ZNF804B: variants seen among roughly 807,000 people sequenced by gnomAD.
The protein encoded by ZNF804B is zinc finger protein 804B.
Under a neutral mutation model 101.4 loss-of-function variants are expected in ZNF804B, and 80 were observed. The ratio of observed to expected loss-of-function variants is 0.79; its 90% CI spans 0.66 to 0.95. ZNF804B has a LOEUF of 0.95. Ranked by LOEUF, ZNF804B falls within the 40% of genes least tolerant of loss-of-function variation. The probability of loss-of-function intolerance (pLI) is 0.00; values close to 1 mark genes in which losing one functional copy is unlikely to be tolerated. For missense variants in ZNF804B, 1,673 were observed against 1,561.9 expected (o/e 1.07, Z -1.20); for synonymous variants, 622 against 558.8 (o/e 1.11, Z -1.59).
At chr7:89,032,049 T>G (rs1412030585) in intron 1 of ZNF804B, among the ~76,000 whole-genome samples, 1 of 152,134 alleles carries the variant, frequency 6.6e-6, no homozygotes, top group African/African-American at 2.4e-5. Flanking sequence ...GCTTTCCTTT[T>G]TGGAGAATAA....
In ZNF804B at chr7:88,955,865, A is replaced by G. The variant is rs1456958528; in HGVS notation, c.108+195781A>G. On this transcript the variant is annotated intron_variant, in intron 1 of 3. Coordinates refer to ENST00000333190, the MANE Select transcript of ZNF804B (RefSeq NM_181646.5). ...CAAACTACTCATCCAACTAGGGACT[A>G]ATATCCAGAATATACGAGAAACTCA... Among the ~76,000 whole-genome samples, 3 of 151,738 alleles carry G rather than the reference A, an allele frequency of 2.0e-5. No homozygotes were observed. In the East Asian group the frequency reaches 5.9e-4, roughly 30 times the overall value.
chr7:89,286,212 T>C (rs1456258745), intron 2 of ZNF804B, among the ~76,000 whole-genome samples: 1 of 152,114 alleles, frequency 6.6e-6, no homozygotes, highest in African/African-American at 2.4e-5. Context: ...TTTAGGACTT[T>C]ATCATTAGGA....
chr7:89,239,695 G>A (rs1789337381), intron 2 of ZNF804B, among the ~76,000 whole-genome samples: 1 of 151,942 alleles, frequency 6.6e-6, no homozygotes, highest in Non-Finnish European at 1.5e-5. Flanking sequence ...ATGTAGATTA[G>A]TTTATTTATA....
At chr7:88,772,865 G>C (rs1413289592) in intron 1 of ZNF804B, among the ~76,000 whole-genome samples, 1 of 149,878 alleles carries the variant, frequency 6.7e-6, no homozygotes, top group East Asian at 2.0e-4. Context: ...AGGCAAAATA[G>C]TCATAAGCAG....
chr7:89,032,824 A>G (rs1416324478), intron 1 of ZNF804B, among the ~76,000 whole-genome samples: 1 of 152,088 alleles, frequency 6.6e-6, no homozygotes, highest in East Asian at 1.9e-4. Context: ...TTATAAATAC[A>G]CAAATATGGT....
intron 1 of ZNF804B, among the ~76,000 whole-genome samples, chr7:89,047,848 A>G (rs958552328): frequency 1.3e-5 from 2 of 152,136 alleles, no homozygotes; most frequent in East Asian, 3.9e-4. Context: ...TAGGCAAAAA[A>G]GGAAGGGCAG....
chr7:89,046,381 C>T (rs1385555182), intron 1 of ZNF804B, among the ~76,000 whole-genome samples: 1 of 152,168 alleles, frequency 6.6e-6, no homozygotes, highest in Non-Finnish European at 1.5e-5. Flanking sequence ...ATGTCAAAGA[C>T]ATGGGACCAT....
At chr7:88,853,593 T>A (rs1221301657) in intron 1 of ZNF804B, among the ~76,000 whole-genome samples, 1 of 152,136 alleles carries the variant, frequency 6.6e-6, no homozygotes, top group Non-Finnish European at 1.5e-5. Flanking sequence ...CTAAAATGCT[T>A]AACTTTAAAT....
At chr7:88,794,822 G>T (rs1163870771) in intron 1 of ZNF804B, 13 of 1,613,648 alleles carry the variant, frequency 8.1e-6, no homozygotes, top group Non-Finnish European at 1.1e-5. Flanking sequence ...TTCTTTAGGT[G>T]TAGTCGTTGT....
chr7:89,113,738 G>C (rs1790258921), intron 1 of ZNF804B, among the ~76,000 whole-genome samples: 1 of 152,054 alleles, frequency 6.6e-6, no homozygotes, highest in Non-Finnish European at 1.5e-5. Context: ...AGATCATGAG[G>C]TCAGGAGATT....
chr7:88,933,942 A>T (rs1475311982), intron 1 of ZNF804B, among the ~76,000 whole-genome samples: 1 of 151,770 alleles, frequency 6.6e-6, no homozygotes, highest in East Asian at 1.9e-4. Context: ...AAAAAAAAAA[A>T]AAAAGCCCAC....
intron 1 of ZNF804B, among the ~76,000 whole-genome samples, chr7:89,204,371 A>T (rs1788687431): frequency 6.6e-6 from 1 of 152,176 alleles, no homozygotes; most frequent in African/African-American, 2.4e-5. Context: ...TGAGGTGGTA[A>T]TTACTACCTT....
intron 1 of ZNF804B, among the ~76,000 whole-genome samples, chr7:89,003,186 TTG>T (rs1554353603): frequency 1.3e-5 from 2 of 151,926 alleles, no homozygotes; most frequent in Non-Finnish European, 2.9e-5. Flanking sequence ...ATGCGTGATT[TTG>T]TGTGATTTAT....
chr7:89,113,387 G>A (rs1036696205), intron 1 of ZNF804B, among the ~76,000 whole-genome samples: 16 of 152,080 alleles, frequency 1.1e-4, no homozygotes, highest in African/African-American at 3.1e-4. Context: ...GAAAAAAATA[G>A]CATAAAGAGT....
chr7:89,135,852 A>G (rs961022744), intron 1 of ZNF804B, among the ~76,000 whole-genome samples: 4 of 152,092 alleles, frequency 2.6e-5, no homozygotes, highest in African/African-American at 9.7e-5. Flanking sequence ...TCTATAAGAG[A>G]GAAGACAAGA....
At chr7:89,229,506 A>G (rs952899718) in intron 2 of ZNF804B, among the ~76,000 whole-genome samples, 6 of 152,248 alleles carry the variant, frequency 3.9e-5, no homozygotes. Context: ...TGTCTCCAAG[A>G]AGACATAATC....
At chr7:89,153,756 A>G (rs1790914014) in intron 1 of ZNF804B, among the ~76,000 whole-genome samples, 1 of 152,040 alleles carries the variant, frequency 6.6e-6, no homozygotes, top group South Asian at 2.1e-4. Context: ...CTCCTCTGAG[A>G]CTGTTCTATT....
chr7:89,093,433 A>AT (rs1789924758), intron 1 of ZNF804B, among the ~76,000 whole-genome samples: 1 of 152,130 alleles, frequency 6.6e-6, no homozygotes, highest in Non-Finnish European at 1.5e-5. Context: ...CCATGCTGGG[A>AT]TCCCCCCAAA....
intron 1 of ZNF804B, among the ~76,000 whole-genome samples, chr7:89,157,616 T>A (rs992745852): frequency 1.3e-5 from 2 of 152,204 alleles, no homozygotes; most frequent in African/African-American, 4.8e-5. Context: ...GCAGTCATCT[T>A]TCTCTGAGTT....
Sources: allele counts gnomAD v4.1 joint callset (sites outside exome capture counted in the v4.1 genomes callset), GRCh38; gene constraint gnomAD v4.1.1; transcripts MANE v1.5; gene names NCBI Gene and HGNC (gene_info 2026-07-23, HGNC 2026-07-21).